The following MGME1 variants were observed in gnomAD, a reference collection of about 807,000 sequenced individuals.
The protein encoded by MGME1 is mitochondrial genome maintenance exonuclease 1, also known as chromosome 20 open reading frame 72.
Under a neutral mutation model 33.0 loss-of-function variants are expected in MGME1, and 22 were observed. That is an observed-to-expected ratio of 0.67 (90% CI 0.48 to 0.95). The LOEUF (loss-of-function observed/expected upper bound fraction) is 0.95, where lower values mean the gene tolerates loss of function less well. Among genes scored for constraint, MGME1 ranks in the 40% least tolerant of loss-of-function variants. MGME1 has a pLI of 0.00. For synonymous variants in MGME1, 133 were observed against 144.0 expected, an observed-to-expected ratio of 0.92 and a Z score of 0.55; for missense variants, 383 against 397.8, an observed-to-expected ratio of 0.96 and a Z score of 0.32.
Position 17,988,202 on chromosome 20 carries a change from G to A in MGME1, c.768G>A (p.Glu256=). 4.3e-6 allele frequency: 7 copies of A among 1,614,090 alleles called. No individual in the cohort carries two copies. In the East Asian group the frequency reaches 1.6e-4, roughly 36 times the overall value. The change falls in exon 4 of 5, where the codon GAG becomes GAA. Residue 256 remains glutamate (E), a synonymous_variant. Transcript: ENST00000377710. ...GTGTGATTGATTGGAAGACATCAGA[G>A]AAACCAAAGCCTTTTATTCAAAGTA... The part of the protein sequence containing the change: ...KLCVIDWKTS[E]KPKPFIQSTF...
intron 3 of MGME1, among the ~76,000 whole-genome samples, chr20:17,986,297 G>T (rs577990725): frequency 1.1e-3 from 164 of 152,166 alleles, no homozygotes; most frequent in African/African-American, 3.7e-3. Context: ...TGGAGCTCCT[G>T]ACCTCAGGTG....
At position 17,970,227 on chromosome 20, in the gene MGME1, T is replaced by G. The variant is rs897019145; in HGVS notation, c.368T>G (p.Ile123Ser). 1.2e-6 allele frequency: 2 copies of G among 1,614,088 alleles called. No individual in the cohort carries two copies. Among genetic ancestry groups the G allele is most frequent in the Non-Finnish European group, 1.7e-6 (2 of 1,180,026 alleles). ...AGTGATCCTTCAGTTCCTTTGAAAA[T>G]CCCCTTGCAAAGGAATGTGATACCA... The part of the protein sequence containing the change: ...NASDPSVPLK[I>S]PLQRNVIPSV... Residue 123 changes from isoleucine to serine, a missense_variant, in exon 2 of 5, where the codon ATC becomes AGC. By Grantham distance (142) the Ile-to-Ser change is moderately radical. Transcript: ENST00000377710.
intron 2 of MGME1, among the ~76,000 whole-genome samples, chr20:17,970,618 A>G (rs1215569800): frequency 6.6e-6 from 1 of 152,236 alleles, no homozygotes; most frequent in Non-Finnish European, 1.5e-5. Context: ...ATATTTGACT[A>G]AATAATACAT....
chr20:17,974,299 A>C (rs112501732), intron 2 of MGME1, among the ~76,000 whole-genome samples: 1 of 152,112 alleles, frequency 6.6e-6, no homozygotes, highest in Non-Finnish European at 1.5e-5. Context: ...TCCTGACCTC[A>C]GGTAATCCGC....
At chr20:17,978,640 A>G (rs980008219) in intron 3 of MGME1, among the ~76,000 whole-genome samples, 2 of 152,214 alleles carry the variant, frequency 1.3e-5, no homozygotes, top group South Asian at 2.1e-4. Flanking sequence ...CAAGGCCTAC[A>G]AGAAGTTCCT....
Position 17,970,277 on chromosome 20 carries a change from A to T in MGME1, c.418A>T (p.Thr140Ser). Residue 140 changes from threonine (T) to serine (S), a missense_variant, in exon 2 of 5, where the codon ACC becomes TCC. Coordinates refer to ENST00000377710, the MANE Select transcript of MGME1 (RefSeq NM_052865.4). ...IPSVTRVLQQ[T>S]MTKQQVFLLE... is the part of the protein sequence containing the mutation. ...AAGTGTGACCCGAGTCCTTCAGCAG[A>T]CCATGACAAAACAACAGGTTTTCTT... is the stretch of plus-strand genomic sequence containing the variant. 1 of 1,614,256 alleles carries T rather than the reference A, an allele frequency of 6.2e-7. No individual in the cohort carries two copies. The highest frequency in any genetic ancestry group is 1.1e-5 in the South Asian group (1 of 91,090).
At chr20:17,988,717 G>C (rs1600408541) in intron 4 of MGME1, among the ~76,000 whole-genome samples, 1 of 141,136 alleles carries the variant, frequency 7.1e-6, no homozygotes, top group African/African-American at 2.6e-5. Context: ...AAAAAAAAAA[G>C]TTAAAAAATA....
intron 3 of MGME1, among the ~76,000 whole-genome samples, chr20:17,982,928 C>G (rs1288360286): frequency 2.0e-5 from 3 of 152,152 alleles, no homozygotes; most frequent in Non-Finnish European, 2.9e-5. Context: ...AAAATCTACT[C>G]TTTTAGCAAC....
rs527446069 is a variant in MGME1, at chr20:17,982,363, A to T, written c.732-5803A>T. On this transcript the variant is annotated intron_variant, in intron 3 of 4. Transcript: ENST00000377710. ...TCGAACTCCTGACCTCAGGTGATCCACCCACCTCAGCCTCCCAAAGTGCTG... is the reference window on the plus strand; with the variant it reads ...TCGAACTCCTGACCTCAGGTGATCCTCCCACCTCAGCCTCCCAAAGTGCTG... 7.2e-4 allele frequency among the ~76,000 whole-genome samples: 109 copies of T among 152,026 alleles called. 1 individual carries two copies. The highest frequency in any genetic ancestry group is 5.6e-3 in the Admixed American group (86 of 15,266).
At chr20:17,976,793 C>T (rs2035881128) in intron 3 of MGME1, among the ~76,000 whole-genome samples, 1 of 152,112 alleles carries the variant, frequency 6.6e-6, no homozygotes, top group African/African-American at 2.4e-5. Flanking sequence ...TCCCAAGTAG[C>T]TGGGATTACA....
In MGME1 at chr20:17,991,109, A is replaced by G. The variant is rs1461238716; in HGVS notation, c.*1000A>G. 6.6e-6 allele frequency: 1 copy of G among 152,176 alleles called. No individual in the cohort carries two copies. Among genetic ancestry groups the G allele is most frequent in the East Asian group, 1.9e-4 (1 of 5,200 alleles). The allele number at this position is 152,176 out of a possible 1,614,324, so 9.4% of individuals were successfully genotyped here. ...ATTTTCATAAGAAATAAAATACAAG[A>G]TATGAGTAATGAAGCTTTGGTTTTG... On this transcript the variant is annotated 3_prime_UTR_variant, in exon 5 of 5. Coordinates refer to ENST00000377710, the MANE Select transcript of MGME1 (RefSeq NM_052865.4).
chr20:17,983,267 TTG>T lies in MGME1; in HGVS notation c.732-4865_732-4864del, dbSNP rs1555791107. ...TTTTTAAAGGCTATGTAGTGTTCTATTGTGTGTGTGTGTGTGTGTGTGTGTGT... is the reference window on the plus strand; with the variant it reads ...TTTTTAAAGGCTATGTAGTGTTCTATTGTGTGTGTGTGTGTGTGTGTGTGT... On this transcript the variant is annotated intron_variant, in intron 3 of 4. Transcript: ENST00000377710. Among the ~76,000 whole-genome samples, 1,110 of 142,502 alleles carry T rather than the reference TTG, an allele frequency of 7.8e-3. 7 individuals carry two copies. The highest frequency in any genetic ancestry group is 0.014 in the South Asian group (59 of 4,286). The allele number at this position is 142,502 out of a possible 152,430, so 93.5% of individuals were successfully genotyped here.
intron 2 of MGME1, among the ~76,000 whole-genome samples, chr20:17,975,468 A>T (rs1365839775): frequency 2.0e-5 from 3 of 151,894 alleles, no homozygotes; most frequent in East Asian, 1.9e-4. Context: ...GAGGCAGGAG[A>T]ATCACTTGAC....
At chr20:17,969,708 C>A in intron 1 of MGME1, 93 bp from the exon 2 acceptor site, 1 of 739,158 alleles carries the variant, frequency 1.4e-6, no homozygotes, top group Non-Finnish European at 2.1e-6. Flanking sequence ...TAAGAAAGGG[C>A]TCTGTCCAAA....
At chr20:17,975,589 A>G in intron 2 of MGME1, 95 bp from the exon 3 acceptor site, 1 of 863,734 alleles carries the variant, frequency 1.2e-6, no homozygotes, top group South Asian at 1.7e-5. Flanking sequence ...TGTCATTTTT[A>G]ATTGTATTGT....
rs544461966 is a variant in MGME1 at position 17,969,574 on chromosome 20, C to T, written c.-59-227C>T. Among the ~76,000 whole-genome samples the T allele has an allele frequency of 2.6e-5, 4 of 152,306 alleles. No individual in the cohort carries two copies. The East Asian group carries it at 7.7e-4, about 29-fold the overall frequency. On this transcript the variant is annotated intron_variant, in intron 1 of 4. Transcript: ENST00000377710. Reference sequence around the variant, plus strand: ...GCGTCACATTCCTGCAGATTAGAAACTGGGACGTCTTGCCTCAAGCTGTCT... The same window carrying T: ...GCGTCACATTCCTGCAGATTAGAAATTGGGACGTCTTGCCTCAAGCTGTCT...
At chr20:17,972,626 T>G in intron 2 of MGME1, 4 of 973,508 alleles carry the variant, frequency 4.1e-6, no homozygotes, top group Non-Finnish European at 4.9e-6. Context: ...CAGTGAATAT[T>G]CTTGGATCAT....
intron 3 of MGME1, among the ~76,000 whole-genome samples, chr20:17,987,393 T>C (rs2036181080): frequency 6.6e-6 from 1 of 152,190 alleles, no homozygotes; most frequent in Admixed American, 6.6e-5. Flanking sequence ...TATAGCAATA[T>C]ACAAACTACA....
intron 3 of MGME1, among the ~76,000 whole-genome samples, chr20:17,985,036 C>CAAAAA (rs535060718): frequency 1.8e-4 from 19 of 103,116 alleles, no homozygotes; most frequent in Non-Finnish European, 2.6e-4. Flanking sequence ...GACTTTGTCT[C>CAAAAA]AAAAAAAAAA....
Sources: allele counts gnomAD v4.1 joint callset (sites outside exome capture counted in the v4.1 genomes callset), GRCh38; gene constraint gnomAD v4.1.1; transcripts MANE v1.5; gene names NCBI Gene and HGNC (gene_info 2026-07-23, HGNC 2026-07-21).